The following FBXL7 variants were observed in gnomAD, a reference collection of about 807,000 sequenced individuals.
The protein encoded by FBXL7 is F-box/LRR-repeat protein 7.
A neutral mutation model predicts 38.3 loss-of-function variants in FBXL7; 12 were observed. The ratio of observed to expected loss-of-function variants is 0.31; its 90% CI spans 0.20 to 0.51. FBXL7 has a LOEUF of 0.51. Ranked by LOEUF, FBXL7 falls within the 20% of genes least tolerant of loss-of-function variation. FBXL7 has a pLI of 0.98. For synonymous variants in FBXL7, 297 were observed against 300.9 expected (o/e 0.99, Z 0.13); for missense variants, 567 against 676.4 (o/e 0.84, Z 1.79).
intron 2 of FBXL7, among the ~76,000 whole-genome samples, chr5:15,815,652 A>T (rs1405064479): frequency 6.6e-6 from 1 of 152,172 alleles, no homozygotes; most frequent in African/African-American, 2.4e-5. Context: ...GAAATAAAAT[A>T]CAGGATTTAT....
chr5:15,686,076 G>T (rs1743008445), intron 2 of FBXL7, among the ~76,000 whole-genome samples: 1 of 152,096 alleles, frequency 6.6e-6, no homozygotes, highest in South Asian at 2.1e-4. Flanking sequence ...GAGAGGTTTG[G>T]ACTTCAGGGT....
chr5:15,692,453 T>G (rs974194657), intron 2 of FBXL7, among the ~76,000 whole-genome samples: 1 of 152,226 alleles, frequency 6.6e-6, no homozygotes, highest in Non-Finnish European at 1.5e-5. Context: ...TCTGTTGTCT[T>G]TTACAAGCTA....
At chr5:15,562,802 C>T (rs1738452004) in intron 1 of FBXL7, among the ~76,000 whole-genome samples, 1 of 152,064 alleles carries the variant, frequency 6.6e-6, no homozygotes, top group Non-Finnish European at 1.5e-5. Flanking sequence ...GTTCTGAGGA[C>T]AGACACAGCA....
chr5:15,642,830 A>G (rs1741411375), intron 2 of FBXL7, among the ~76,000 whole-genome samples: 1 of 152,178 alleles, frequency 6.6e-6, no homozygotes, highest in African/African-American at 2.4e-5. Context: ...ACATCCCACA[A>G]CAACAATTTG....
rs145667767 is a variant in FBXL7, at chr5:15,718,259, C to T, written c.127+102187C>T. Among the ~76,000 whole-genome samples, 209 of 152,268 alleles carry T rather than the reference C, an allele frequency of 1.4e-3. 6 individuals carry two copies. The South Asian group carries it at 0.041, about 30-fold the overall frequency. On this transcript the variant is annotated intron_variant, in intron 2 of 3. Coordinates refer to ENST00000504595, the MANE Select transcript of FBXL7 (RefSeq NM_012304.5). The stretch of plus-strand genomic sequence containing the variant: ...TCTTGATATATAGATGTTTATTGTA[C>T]TCTTGCGCTTTTTTTGTAGGTTTGA...
rs75363185 is a variant in FBXL7, at chr5:15,854,039, A to C, written c.128-73851A>C. ...GCCAAGCCATTGGACTAAAATATTC[A>C]GTAGAATAAAGTGGACCACTTGGGA... On this transcript the variant is annotated intron_variant, in intron 2 of 3. Transcript: ENST00000504595. 5.9e-3 allele frequency among the ~76,000 whole-genome samples: 901 copies of C among 152,350 alleles called. 10 individuals are homozygous for C. Among genetic ancestry groups the C allele is most frequent in the African/African-American group, 0.021 (854 of 41,580 alleles).
chr5:15,673,294 T>G (rs1387162503), intron 2 of FBXL7, among the ~76,000 whole-genome samples: 2 of 151,500 alleles, frequency 1.3e-5, no homozygotes, highest in Non-Finnish European at 1.5e-5. Flanking sequence ...CCAGCCTGGG[T>G]GACAAGAGCG....
intron 2 of FBXL7, among the ~76,000 whole-genome samples, chr5:15,841,993 A>G (rs920185224): frequency 6.6e-6 from 1 of 152,198 alleles, no homozygotes; most frequent in African/African-American, 2.4e-5. Context: ...GTGGGATTGG[A>G]GACCCAACAC....
intron 2 of FBXL7, among the ~76,000 whole-genome samples, chr5:15,664,626 C>T (rs1312494935): frequency 6.6e-6 from 1 of 151,762 alleles, no homozygotes; most frequent in Non-Finnish European, 1.5e-5. Flanking sequence ...CAGGCGCCAC[C>T]ATGCCTGGCT....
intron 2 of FBXL7, among the ~76,000 whole-genome samples, chr5:15,825,741 T>C (rs927200337): frequency 6.6e-6 from 1 of 152,170 alleles, no homozygotes; most frequent in Non-Finnish European, 1.5e-5. Flanking sequence ...TCTCATATGG[T>C]TTTTCTAAAT....
chr5:15,671,547 T>C (rs1375469043), intron 2 of FBXL7, among the ~76,000 whole-genome samples: 1 of 152,244 alleles, frequency 6.6e-6, no homozygotes, highest in East Asian at 1.9e-4. Flanking sequence ...ACTCTGATAT[T>C]GGTTTTACAC....
chr5:15,737,013 C>T (rs1379386218), intron 2 of FBXL7, among the ~76,000 whole-genome samples: 1 of 152,128 alleles, frequency 6.6e-6, no homozygotes, highest in African/African-American at 2.4e-5. Flanking sequence ...ATGCAGTTAT[C>T]CTTCCATTTC....
rs763599567 is a variant in FBXL7, at chr5:15,928,041, G to A, written c.279G>A (p.Pro93=). Reference sequence around the variant, plus strand: ...TGGCCATGGTGCACTCCCCGCCCCCGACCCGCCTCACACACCCGCTCATCC... The same window carrying A: ...TGGCCATGGTGCACTCCCCGCCCCCAACCCGCCTCACACACCCGCTCATCC... ...ETVAMVHSPP[P]TRLTHPLIRL... is the part of the protein sequence containing the mutation. The change falls in exon 3 of 4, where the codon CCG becomes CCA. Residue 93 remains proline, a synonymous_variant. Transcript: ENST00000504595. This position sits in a 1 kb window ranked among gnomAD's most constrained non-coding sequence, Gnocchi z 4.0. The A allele has an allele frequency of 7.0e-6, 10 of 1,436,820 alleles. No individual in the cohort carries two copies. In the Admixed American group the frequency reaches 1.2e-4, roughly 17 times the overall value. 89.0% of individuals were successfully genotyped at this position (1,436,820 alleles called of 1,614,324 possible).
intron 2 of FBXL7, among the ~76,000 whole-genome samples, chr5:15,797,293 G>A (rs1160210703): frequency 6.6e-6 from 1 of 152,156 alleles, no homozygotes; most frequent in Non-Finnish European, 1.5e-5. Flanking sequence ...AATTAAACCA[G>A]GTCAACAGCT....
intron 1 of FBXL7, among the ~76,000 whole-genome samples, chr5:15,580,405 G>C (rs962352528): frequency 6.6e-6 from 1 of 152,190 alleles, no homozygotes; most frequent in Non-Finnish European, 1.5e-5. Context: ...CCAGGGAGGA[G>C]AATCAGACTC....
intron 2 of FBXL7, among the ~76,000 whole-genome samples, chr5:15,735,857 G>A (rs1176581325): frequency 6.6e-6 from 1 of 152,192 alleles, no homozygotes; most frequent in African/African-American, 2.4e-5. Context: ...ATTTTGAATA[G>A]TGTGGTGCAC....
chr5:15,897,509 T>C (rs887622468), intron 2 of FBXL7, among the ~76,000 whole-genome samples: 21 of 152,116 alleles, frequency 1.4e-4, no homozygotes, highest in African/African-American at 4.8e-4. Flanking sequence ...GAGGTGTACA[T>C]CAGATGTTGA....
At chr5:15,581,807 G>T (rs1739150598) in intron 1 of FBXL7, among the ~76,000 whole-genome samples, 1 of 152,038 alleles carries the variant, frequency 6.6e-6, no homozygotes, top group Non-Finnish European at 1.5e-5. Flanking sequence ...GTGTGGTGGG[G>T]AATATGGATG....
intron 1 of FBXL7, among the ~76,000 whole-genome samples, chr5:15,610,309 G>T (rs1035478665): frequency 6.6e-6 from 1 of 152,126 alleles, no homozygotes; most frequent in Non-Finnish European, 1.5e-5. Context: ...CCCCTCCTGT[G>T]CCTCTCTTGC....
Sources: allele counts gnomAD v4.1 joint callset (sites outside exome capture counted in the v4.1 genomes callset), GRCh38; gene constraint gnomAD v4.1.1; non-coding constraint Gnocchi (gnomAD v3.1); transcripts MANE v1.5; gene names NCBI Gene and HGNC (gene_info 2026-07-23, HGNC 2026-07-21).